CRACD: variants seen among roughly 807,000 people sequenced by gnomAD.
The protein encoded by CRACD is capping protein inhibiting regulator of actin dynamics, also known as capping protein-inhibiting regulator of actin dynamics.
CRACD carries 56 observed loss-of-function variants against 106.8 expected under a neutral mutation model. The observed-to-expected ratio is 0.52, with a 90% CI of 0.42 to 0.66. The LOEUF (loss-of-function observed/expected upper bound fraction) is 0.66, where lower values mean the gene tolerates loss of function less well. Ranked by LOEUF, CRACD falls within the 30% of genes least tolerant of loss-of-function variation. The probability of loss-of-function intolerance (pLI) is 0.00; values close to 1 mark genes in which losing one functional copy is unlikely to be tolerated. For synonymous variants in CRACD, 754 were observed against 670.8 expected (o/e 1.12, Z -1.92); for missense variants, 1,730 against 1,623.2 (o/e 1.07, Z -1.13).
chr4:56,310,155 C>A (rs990804015), intron 5 of CRACD, among the ~76,000 whole-genome samples: 1 of 152,158 alleles, frequency 6.6e-6, no homozygotes, highest in Non-Finnish European at 1.5e-5. Context: ...TTTCTTCTCC[C>A]TTTCTGCTGT....
At position 56,314,187 on chromosome 4, in the gene CRACD, C is replaced by G. The variant is rs1304628664; in HGVS notation, c.685C>G (p.Arg229Gly). The change falls in exon 8 of 11, where the codon CGA (arginine) becomes GGA (glycine). Residue 229 changes from arginine to glycine, a missense_variant. Physicochemically the swap from Arg to Gly is moderately radical, Grantham distance 125. Coordinates refer to ENST00000682029, the MANE Select transcript of CRACD (RefSeq NM_001393381.1). The surrounding 1 kb of genome is among the most constrained non-coding windows in gnomAD (Gnocchi z 4.4). ...GAGAAGACGCCAAGAAGACTACTGG[C>G]GAGAACTGGAGGCCAAGTGCAAGCG... ...EERRRQEDYW[R>G]ELEAKCKRQK... 1 of 1,612,704 alleles carries G rather than the reference C, an allele frequency of 6.2e-7. No homozygotes were observed. The highest frequency in any genetic ancestry group is 2.2e-5 in the East Asian group (1 of 44,842).
At chr4:56,108,878 G>A (rs1046297234) in intron 1 of CRACD, among the ~76,000 whole-genome samples, 1 of 152,188 alleles carries the variant, frequency 6.6e-6, no homozygotes, top group Non-Finnish European at 1.5e-5. Flanking sequence ...GGAACCAGGA[G>A]TACGAGAGGA....
At chr4:56,189,869 G>A (rs1233238774) in intron 2 of CRACD, among the ~76,000 whole-genome samples, 1 of 148,564 alleles carries the variant, frequency 6.7e-6, no homozygotes, top group Non-Finnish European at 1.5e-5. Flanking sequence ...TGCACAATGT[G>A]CAGGTTAGTT....
intron 3 of CRACD, among the ~76,000 whole-genome samples, chr4:56,277,897 A>G (rs868357044): frequency 6.6e-6 from 1 of 152,156 alleles, no homozygotes; most frequent in Non-Finnish European, 1.5e-5. Context: ...TAGGAAAACA[A>G]TTCCATTTAC....
In CRACD at chr4:56,185,352, A is replaced by G. The variant is rs1737042051; in HGVS notation, c.-189+5922A>G. 2.0e-5 allele frequency among the ~76,000 whole-genome samples: 3 copies of G among 152,126 alleles called. No homozygotes were observed. The South Asian group carries it at 6.2e-4, about 32-fold the overall frequency. On this transcript the variant is annotated intron_variant, in intron 2 of 10. Transcript: ENST00000682029. ...CACCCCAAAATAAAACACTGTACCC[A>G]TTAAGCAGTTACTCCCCATTTCCCC...
intron 4 of CRACD, among the ~76,000 whole-genome samples, chr4:56,305,266 C>T (rs1402956692): frequency 1.3e-5 from 2 of 152,156 alleles, no homozygotes; most frequent in African/African-American, 2.4e-5. Context: ...AAGAAATGTC[C>T]TCATCTCAGC....
chr4:56,196,416 C>G (rs899060259), intron 2 of CRACD: 5 of 153,236 alleles, frequency 3.3e-5, no homozygotes, highest in African/African-American at 1.2e-4. Context: ...GCTGTGAGTG[C>G]TGATGTTTCA....
chr4:56,114,675 C>T (rs898969260), intron 1 of CRACD, among the ~76,000 whole-genome samples: 26 of 151,860 alleles, frequency 1.7e-4, no homozygotes, highest in Admixed American at 1.6e-3. Context: ...TAGTCAGTTG[C>T]TATCATTATT....
chr4:56,287,338 A>G (rs1577860408), intron 3 of CRACD, among the ~76,000 whole-genome samples: 2 of 151,566 alleles, frequency 1.3e-5, no homozygotes, highest in East Asian at 3.9e-4. Flanking sequence ...GCTGGAGTGC[A>G]GTGGCATGAT....
At chr4:56,115,151 A>G (rs768346352) in intron 1 of CRACD, among the ~76,000 whole-genome samples, 3 of 152,066 alleles carry the variant, frequency 2.0e-5, no homozygotes, top group Non-Finnish European at 2.9e-5. Flanking sequence ...TTTTTTGTCT[A>G]CCTCTATAAA....
In CRACD at chr4:56,081,935, A is replaced by G. The variant is rs146477487; in HGVS notation, c.-336+32636A>G. ...AGTTGGAGTGAGCTGAGATTGAGCC[A>G]TTGTATTCTAGCCTGAGTGACAGAG... On this transcript the variant is annotated intron_variant, in intron 1 of 10. Transcript: ENST00000682029. Among the ~76,000 whole-genome samples the G allele has an allele frequency of 5.0e-3, 761 of 152,142 alleles. 5 individuals are homozygous for G. The highest frequency in any genetic ancestry group is 0.017 in the African/African-American group (695 of 41,520).
At chr4:56,285,102 G>T (rs929644500) in intron 3 of CRACD, among the ~76,000 whole-genome samples, 1 of 152,194 alleles carries the variant, frequency 6.6e-6, no homozygotes. Flanking sequence ...TCTTACCATG[G>T]TGGAGCAGGA....
chr4:56,143,716 T>C (rs1735283263), intron 1 of CRACD, among the ~76,000 whole-genome samples: 1 of 152,190 alleles, frequency 6.6e-6, no homozygotes. Flanking sequence ...TATTTTTGCC[T>C]ACAGTTTTAT....
At chr4:56,073,097 T>A (rs1339461839) in intron 1 of CRACD, among the ~76,000 whole-genome samples, 1 of 152,172 alleles carries the variant, frequency 6.6e-6, no homozygotes, top group Non-Finnish European at 1.5e-5. Flanking sequence ...GTAGAATGAT[T>A]TATAATTCTT....
At chr4:56,101,834 A>G (rs1417681154) in intron 1 of CRACD, among the ~76,000 whole-genome samples, 1 of 152,026 alleles carries the variant, frequency 6.6e-6, no homozygotes, top group Non-Finnish European at 1.5e-5. Context: ...AACATTTTAT[A>G]AAACATATGT....
intron 8 of CRACD, among the ~76,000 whole-genome samples, chr4:56,319,148 C>A (rs1745882676): frequency 6.6e-6 from 1 of 152,144 alleles, no homozygotes; most frequent in South Asian, 2.1e-4. Flanking sequence ...CTCCCATATG[C>A]TAAATTCAAG....
chr4:56,142,641 T>A (rs1312487545), intron 1 of CRACD, among the ~76,000 whole-genome samples: 2 of 152,192 alleles, frequency 1.3e-5, no homozygotes, highest in Admixed American at 6.5e-5. Flanking sequence ...TTCAGCTATT[T>A]ATAACATTTT....
chr4:56,126,858 C>G (rs1577679984), intron 1 of CRACD, among the ~76,000 whole-genome samples: 1 of 152,154 alleles, frequency 6.6e-6, no homozygotes. Flanking sequence ...CTAGCAGAAA[C>G]AAGACTAGCA....
rs141864508 is a variant in CRACD, at chr4:56,203,322, G to A, written c.-189+23892G>A. Among the ~76,000 whole-genome samples, 105 of 152,280 alleles carry A rather than the reference G, an allele frequency of 6.9e-4. 1 individual carries two copies. Among genetic ancestry groups the A allele is most frequent in the African/African-American group, 2.4e-3 (100 of 41,550 alleles). ...GGAGCACTTGTGCTATTTTGTACCTGGAGAGTAATTCTCTTGAGTGACTCC... is the reference window on the plus strand; with the variant it reads ...GGAGCACTTGTGCTATTTTGTACCTAGAGAGTAATTCTCTTGAGTGACTCC... On this transcript the variant is annotated intron_variant, in intron 2 of 10. Coordinates refer to ENST00000682029, the MANE Select transcript of CRACD (RefSeq NM_001393381.1).
Sources: gnomAD v4.1 joint callset for allele counts (sites outside exome capture counted in the v4.1 genomes callset) on GRCh38, gnomAD v4.1.1 for gene constraint, Gnocchi (gnomAD v3.1) non-coding constraint, MANE v1.5 for transcripts, NCBI Gene and HGNC (gene_info 2026-07-23, HGNC 2026-07-21) for gene names.